The following COG5 variants were observed in gnomAD, a reference collection of about 807,000 sequenced individuals.
The protein encoded by COG5 is conserved oligomeric Golgi complex subunit 5.
Under a neutral mutation model 110.4 loss-of-function variants are expected in COG5, and 86 were observed. The observed-to-expected ratio is 0.78, with a 90% confidence interval of 0.65 to 0.93. The LOEUF (loss-of-function observed/expected upper bound fraction) is 0.93, where lower values mean the gene tolerates loss of function less well. Among genes scored for constraint, COG5 ranks in the 40% least tolerant of loss-of-function variants. The probability of loss-of-function intolerance (pLI) is 0.00; values close to 1 mark genes in which losing one functional copy is unlikely to be tolerated. For missense variants in COG5, 1,077 were observed against 987.0 expected, an observed-to-expected ratio of 1.09 and a Z score of -1.22; for synonymous variants, 360 against 334.6, an observed-to-expected ratio of 1.08 and a Z score of -0.83.
At chr7:107,506,974 T>A (rs1476737982) in intron 6 of COG5, among the ~76,000 whole-genome samples, 1 of 152,220 alleles carries the variant, frequency 6.6e-6, no homozygotes, top group African/African-American at 2.4e-5. Flanking sequence ...CTCCCCTTGG[T>A]CTACTCTGCA....
In COG5 at chr7:107,210,073, T is replaced by C. The variant is rs1034123448; in HGVS notation, c.2375+453A>G. 10 of 1,036,522 alleles carry C rather than the reference T, an allele frequency of 9.6e-6. No individual in the cohort carries two copies. In the Admixed American group the frequency reaches 1.5e-4, roughly 15 times the overall value. The allele number at this position is 1,036,522 out of a possible 1,614,324, so 64.2% of individuals were successfully genotyped here. A position where few individuals can be genotyped will look rare whatever the true frequency, so the allele number is the denominator to read the frequency against. On this transcript the variant is annotated intron_variant, in intron 21 of 21. Transcript: ENST00000297135. ...TTCATGGGGCACTACTGGAGGGCCATGGTATCCAAGTGGCTGCTGGGTTGT... is the reference window on the plus strand; with the variant it reads ...TTCATGGGGCACTACTGGAGGGCCACGGTATCCAAGTGGCTGCTGGGTTGT...
At chr7:107,337,237 C>G (rs1810781839) in intron 10 of COG5, among the ~76,000 whole-genome samples, 1 of 152,066 alleles carries the variant, frequency 6.6e-6, no homozygotes, top group Non-Finnish European at 1.5e-5. Context: ...GAAAATAGTA[C>G]AGAGATTTCT....
chr7:107,453,255 T>C (rs551067837), intron 6 of COG5, among the ~76,000 whole-genome samples: 13 of 152,302 alleles, frequency 8.5e-5, no homozygotes, highest in Admixed American at 5.2e-4. Context: ...TCTCTCATAT[T>C]AATATAGTAC....
chr7:107,299,264 T>A (rs933549170), intron 11 of COG5, among the ~76,000 whole-genome samples: 3 of 151,918 alleles, frequency 2.0e-5, no homozygotes, highest in Non-Finnish European at 4.4e-5. Context: ...ATAAGTAAAA[T>A]TGCCAAACTT....
intron 10 of COG5, among the ~76,000 whole-genome samples, chr7:107,342,385 A>AC (rs1811239623): frequency 6.6e-6 from 1 of 151,392 alleles, no homozygotes; most frequent in East Asian, 1.9e-4. Context: ...AAAAAAAAAA[A>AC]ACACACCACA....
At chr7:107,277,337 G>C (rs988909685) in intron 14 of COG5, among the ~76,000 whole-genome samples, 7 of 152,112 alleles carry the variant, frequency 4.6e-5, no homozygotes, top group African/African-American at 1.7e-4. Context: ...CTTAGTTTCT[G>C]TTTCTGGTTA....
chr7:107,294,766 A>G (rs1806469061), intron 12 of COG5, among the ~76,000 whole-genome samples: 2 of 124,412 alleles, frequency 1.6e-5, no homozygotes, highest in Non-Finnish European at 3.2e-5. Context: ...CCTGGGCTGG[A>G]GTGCAGTGGC....
At chr7:107,537,389 C>G (rs568982648) in intron 5 of COG5, among the ~76,000 whole-genome samples, 1 of 152,280 alleles carries the variant, frequency 6.6e-6, no homozygotes, top group Non-Finnish European at 1.5e-5. Flanking sequence ...CACATATACA[C>G]CACGGAATAC....
chr7:107,508,380 C>T (rs139208912), intron 6 of COG5, among the ~76,000 whole-genome samples: 18 of 152,284 alleles, frequency 1.2e-4, no homozygotes, highest in African/African-American at 3.6e-4. Flanking sequence ...AAAGCAGCCC[C>T]GAAGCTCCAA....
At chr7:107,316,896 G>A (rs557491887) in intron 11 of COG5, among the ~76,000 whole-genome samples, 7 of 151,812 alleles carry the variant, frequency 4.6e-5, no homozygotes, top group South Asian at 4.2e-4. Flanking sequence ...CTAAATAAAC[G>A]TACACACACA....
chr7:107,544,799 G>A (rs193021781), intron 5 of COG5, among the ~76,000 whole-genome samples: 57 of 152,268 alleles, frequency 3.7e-4, no homozygotes, highest in African/African-American at 1.1e-3. Context: ...AGATATTGAG[G>A]TTTATGAGCT....
intron 3 of COG5, among the ~76,000 whole-genome samples, chr7:107,552,768 A>C (rs541987534): frequency 6.6e-6 from 1 of 152,206 alleles, no homozygotes; most frequent in African/African-American, 2.4e-5. Context: ...TACTGGATAT[A>C]TATTCAAAAG....
chr7:107,475,009 T>C lies in COG5; in HGVS notation c.538+52228A>G, dbSNP rs1584871628. The stretch of plus-strand genomic sequence containing the variant: ...AAAGAGAGTCTTCAGGATGTCTTTA[T>C]TGATTATTTCTACATTTCTTCTCTG... On this transcript the variant is annotated intron_variant, in intron 6 of 21. Transcript: ENST00000297135. 3.1e-6 allele frequency: 5 copies of C among 1,612,890 alleles called. No individual in the cohort carries two copies. In the East Asian group the frequency reaches 1.1e-4, roughly 36 times the overall value.
At chr7:107,543,580 T>C (rs1361862736) in intron 5 of COG5, among the ~76,000 whole-genome samples, 1 of 151,830 alleles carries the variant, frequency 6.6e-6, no homozygotes, top group African/African-American at 2.4e-5. Context: ...CAACCCTGCA[T>C]AGCCCAAGAT....
chr7:107,526,159 T>C (rs906078100), intron 6 of COG5, among the ~76,000 whole-genome samples: 5 of 152,222 alleles, frequency 3.3e-5, no homozygotes, highest in Admixed American at 3.3e-4. Flanking sequence ...ATAACTGCTT[T>C]CAAAGCACAA....
intron 11 of COG5, among the ~76,000 whole-genome samples, chr7:107,319,402 A>G (rs1029253696): frequency 7.9e-5 from 12 of 152,168 alleles, no homozygotes; most frequent in African/African-American, 2.7e-4. Context: ...TAAGTGACAG[A>G]TTTTGTTGTA....
chr7:107,552,497 T>C (rs1255603004), intron 3 of COG5, among the ~76,000 whole-genome samples: 2 of 151,978 alleles, frequency 1.3e-5, no homozygotes, highest in Non-Finnish European at 2.9e-5. Flanking sequence ...AAAGAAGGCA[T>C]ACATGCAGGC....
At chr7:107,482,312 A>C (rs888770151) in intron 6 of COG5, among the ~76,000 whole-genome samples, 1 of 147,628 alleles carries the variant, frequency 6.8e-6, no homozygotes, top group Non-Finnish European at 1.5e-5. Flanking sequence ...CCAGCTAATT[A>C]AAAAAAAAAA....
chr7:107,529,710 C>T (rs1425875426), intron 5 of COG5, among the ~76,000 whole-genome samples: 1 of 152,192 alleles, frequency 6.6e-6, no homozygotes, highest in Non-Finnish European at 1.5e-5. Flanking sequence ...GGGACTCTTC[C>T]AAGCGTACTT....
Sources: gnomAD v4.1 joint callset for allele counts (sites outside exome capture counted in the v4.1 genomes callset) on GRCh38, gnomAD v4.1.1 for gene constraint, MANE v1.5 for transcripts, NCBI Gene and HGNC (gene_info 2026-07-23, HGNC 2026-07-21) for gene names.